The following LARP4 variants were observed in gnomAD, a reference collection of about 807,000 sequenced individuals.
LARP4 encodes La ribonucleoprotein 4.
A neutral mutation model predicts 92.9 loss-of-function variants in LARP4; 29 were observed. That is an observed-to-expected ratio of 0.31 (90% CI 0.23 to 0.43). The LOEUF is 0.43. Among genes scored for constraint, LARP4 ranks in the 20% least tolerant of loss-of-function variants. LARP4 has a pLI of 1.00. For missense variants in LARP4, 732 were observed against 860.0 expected (o/e 0.85, Z 1.86); for synonymous variants, 279 against 284.1 (o/e 0.98, Z 0.18).
Position 50,435,480 on chromosome 12 carries a change from T to TATTC in LARP4, c.399-8_399-7insATTC. The TATTC allele has an allele frequency of 4.2e-6, 6 of 1,440,256 alleles. No homozygotes were observed. Among genetic ancestry groups the TATTC allele is most frequent in the Non-Finnish European group, 5.8e-6 (6 of 1,025,978 alleles). The allele number at this position is 1,440,256 out of a possible 1,614,324, so 89.2% of individuals were successfully genotyped here. A position where few individuals can be genotyped will look rare whatever the true frequency, so the allele number is the denominator to read the frequency against. The stretch of plus-strand genomic sequence containing the variant: ...TGCTTGTTTTATAGGACTATTTTGT[T>TATTC]TTTTCAGAGAAAATTTGTCAAAGGA... On this transcript the variant is annotated splice_polypyrimidine_tract_variant and splice_region_variant and intron_variant, in intron 4 of 15. Coordinates refer to ENST00000398473, the MANE Select transcript of LARP4 (RefSeq NM_052879.5).
At position 50,478,238 on chromosome 12, in the gene LARP4, A is replaced by G. The variant is rs967701027; in HGVS notation, c.*2374A>G. ...AGATATAACCTTTAAAAATTTTCTC[A>G]TTAAGACAATGTTTTTAATTTAATT... On this transcript the variant is annotated 3_prime_UTR_variant, in exon 16 of 16. Transcript: ENST00000398473. 1.6e-4 allele frequency: 24 copies of G among 152,148 alleles called. No homozygotes were observed. Among genetic ancestry groups the G allele is most frequent in the African/African-American group, 5.5e-4 (23 of 41,462 alleles). 9.4% of individuals were successfully genotyped at this position (152,148 alleles called of 1,614,324 possible). A position where few individuals can be genotyped will look rare whatever the true frequency, so the allele number is the denominator to read the frequency against.
chr12:50,435,469 G>A lies in LARP4; in HGVS notation c.399-19G>A. On this transcript the variant is annotated intron_variant, in intron 4 of 15. Coordinates refer to ENST00000398473, the MANE Select transcript of LARP4 (RefSeq NM_052879.5). ...TTTTTAATAATTGCTTGTTTTATAG[G>A]ACTATTTTGTTTTTTCAGAGAAAAT... The A allele has an allele frequency of 8.2e-7, 1 of 1,225,126 alleles. No individual in the cohort carries two copies. Among genetic ancestry groups the A allele is most frequent in the South Asian group, 1.3e-5 (1 of 78,862 alleles). 75.9% of individuals were successfully genotyped at this position (1,225,126 alleles called of 1,614,324 possible).
intron 3 of LARP4, among the ~76,000 whole-genome samples, chr12:50,429,624 G>A (rs567808091): frequency 1.1e-4 from 16 of 152,046 alleles, no homozygotes; most frequent in Non-Finnish European, 1.8e-4. Context: ...TAAGCAATTG[G>A]TGTTTTTTTG....
At chr12:50,405,527 C>T (rs1944659922) in intron 1 of LARP4, among the ~76,000 whole-genome samples, 1 of 151,796 alleles carries the variant, frequency 6.6e-6, no homozygotes, top group African/African-American at 2.4e-5. Context: ...TCAAGTGATC[C>T]TCCCACCTCA....
At position 50,476,646 on chromosome 12, in the gene LARP4, A is replaced by T. The variant is rs4298982; in HGVS notation, c.*782A>T. On this transcript the variant is annotated 3_prime_UTR_variant, in exon 16 of 16. Coordinates refer to ENST00000398473, the MANE Select transcript of LARP4 (RefSeq NM_052879.5). ...AATTTCATCTTGGACCTCAGTGCATAGGTCAAATGGATTTCAGAGGTTTAA... is the reference window on the plus strand; with the variant it reads ...AATTTCATCTTGGACCTCAGTGCATTGGTCAAATGGATTTCAGAGGTTTAA... 1 of 152,288 alleles carries T rather than the reference A, an allele frequency of 6.6e-6. No homozygotes were observed. Among genetic ancestry groups the T allele is most frequent in the Non-Finnish European group, 1.5e-5 (1 of 68,018 alleles). The allele number at this position is 152,288 out of a possible 1,614,324, so 9.4% of individuals were successfully genotyped here.
At chr12:50,409,179 C>T (rs1945393291) in intron 1 of LARP4, among the ~76,000 whole-genome samples, 1 of 151,568 alleles carries the variant, frequency 6.6e-6, no homozygotes, top group Non-Finnish European at 1.5e-5. Context: ...TTTCTTTGAC[C>T]AGCAGGCAAG....
At chr12:50,406,244 A>G (rs1271262450) in intron 1 of LARP4, among the ~76,000 whole-genome samples, 1 of 152,018 alleles carries the variant, frequency 6.6e-6, no homozygotes, top group Admixed American at 6.6e-5. Context: ...CCGAGGTGGG[A>G]GGATAGCTTG....
chr12:50,430,161 C>T (rs534806307), intron 3 of LARP4, among the ~76,000 whole-genome samples: 1 of 151,990 alleles, frequency 6.6e-6, no homozygotes, highest in South Asian at 2.1e-4. Context: ...AGTTTGAGAA[C>T]AGTCTGGGCA....
intron 13 of LARP4, among the ~76,000 whole-genome samples, chr12:50,468,845 T>A (rs961945609): frequency 6.6e-6 from 1 of 152,124 alleles, no homozygotes; most frequent in Admixed American, 6.5e-5. Context: ...GTAAGCCACA[T>A]TTCAGTATTA....
chr12:50,447,618 G>A (rs764473856), intron 8 of LARP4, among the ~76,000 whole-genome samples: 2 of 151,842 alleles, frequency 1.3e-5, no homozygotes, highest in South Asian at 2.1e-4. Context: ...ACTTTGTTGC[G>A]CAGGCTGGAG....
chr12:50,462,578 A>C lies in LARP4; in HGVS notation c.1335-4A>C. 6.5e-7 allele frequency: 1 copy of C among 1,538,614 alleles called. No individual in the cohort carries two copies. Among genetic ancestry groups the C allele is most frequent in the South Asian group, 1.2e-5 (1 of 83,066 alleles). Reference sequence around the variant, plus strand: ...CCCCACCCCCACCTTTTTCTTATTAAAAGGAGAACTCTCTTCAGAGGTCGA... The same window carrying C: ...CCCCACCCCCACCTTTTTCTTATTACAAGGAGAACTCTCTTCAGAGGTCGA... On this transcript the variant is annotated splice_polypyrimidine_tract_variant and splice_region_variant and intron_variant, in intron 11 of 15. Transcript: ENST00000398473.
chr12:50,401,160 T>C, intron 1 of LARP4, 132 bp downstream of exon 1: 1 of 1,014,608 alleles, frequency 9.9e-7, no homozygotes, highest in African/African-American at 1.6e-5. Flanking sequence ...ACACAGCACC[T>C]GGGCCGAGCA....
intron 12 of LARP4, among the ~76,000 whole-genome samples, chr12:50,463,418 TCCA>T (rs1409843952): frequency 2.5e-4 from 8 of 32,216 alleles, no homozygotes; most frequent in Admixed American, 5.2e-4. Flanking sequence ...ACCCCATCTC[TCCA>T]AAAAAAAAAA....
intron 10 of LARP4, among the ~76,000 whole-genome samples, chr12:50,455,823 G>T (rs1446649066): frequency 6.6e-6 from 1 of 152,142 alleles, no homozygotes; most frequent in East Asian, 1.9e-4. Flanking sequence ...GAGGTGGGTG[G>T]ATCATCTGAG....
intron 1 of LARP4, chr12:50,401,391 G>A: frequency 4.3e-6 from 1 of 231,002 alleles, no homozygotes; most frequent in Non-Finnish European, 8.5e-6. Context: ...AGGTGGGCGC[G>A]TTCCGGGGGC....
intron 13 of LARP4, among the ~76,000 whole-genome samples, chr12:50,470,714 CA>C (rs1201886954): frequency 8.5e-5 from 13 of 152,066 alleles, no homozygotes; most frequent in African/African-American, 3.1e-4. Context: ...AAAGAATAAT[CA>C]TGAAGTGTAC....
intron 5 of LARP4, among the ~76,000 whole-genome samples, chr12:50,436,240 G>A (rs181341345): frequency 3.0e-4 from 46 of 151,244 alleles, no homozygotes; most frequent in Admixed American, 1.4e-3. Flanking sequence ...GTGTATATGT[G>A]TGTATGTATA....
intron 13 of LARP4, among the ~76,000 whole-genome samples, chr12:50,467,737 A>G (rs931297734): frequency 1.3e-5 from 2 of 152,210 alleles, no homozygotes; most frequent in Non-Finnish European, 2.9e-5. Flanking sequence ...AAACAATGGA[A>G]AGTAGATGTC....
At chr12:50,442,664 GTT>G (rs1229265453) in intron 8 of LARP4, among the ~76,000 whole-genome samples, 1 of 152,050 alleles carries the variant, frequency 6.6e-6, no homozygotes, top group African/African-American at 2.4e-5. Flanking sequence ...GTCACTTTCT[GTT>G]TTAAGCACTT....
Sources: allele counts gnomAD v4.1 joint callset (sites outside exome capture counted in the v4.1 genomes callset), GRCh38; gene constraint gnomAD v4.1.1; transcripts MANE v1.5; gene names NCBI Gene and HGNC (gene_info 2026-07-23, HGNC 2026-07-21).